CELF5: variants seen among roughly 807,000 people sequenced by gnomAD.
CELF5 encodes the protein CUGBP Elav-like family member 5.
Under a neutral mutation model 54.9 loss-of-function variants are expected in CELF5, and 6 were observed. That is an observed-to-expected ratio of 0.11 (90% confidence interval 0.06 to 0.22). The LOEUF is 0.22. Ranked by LOEUF, CELF5 falls within the 10% of genes least tolerant of loss-of-function variation. The pLI, the probability that CELF5 is intolerant of heterozygous loss-of-function variation, is 1.00. For synonymous variants in CELF5, 271 were observed against 290.9 expected (o/e 0.93, Z 0.70); for missense variants, 401 against 678.6 (o/e 0.59, Z 4.54).
chr19:3,238,900 C>T (rs1031304063), intron 1 of CELF5, among the ~76,000 whole-genome samples: 3 of 152,098 alleles, frequency 2.0e-5, no homozygotes, highest in African/African-American at 7.2e-5. Context: ...GCACTCTAGC[C>T]TGGGCAACAA....
At chr19:3,271,539 C>T (rs1052691302) in intron 2 of CELF5, among the ~76,000 whole-genome samples, 1 of 152,064 alleles carries the variant, frequency 6.6e-6, no homozygotes, top group Non-Finnish European at 1.5e-5. Context: ...GCAGGGGCCT[C>T]TTGGTTTCTG....
At chr19:3,249,423 G>A (rs1001003662) in intron 1 of CELF5, among the ~76,000 whole-genome samples, 1 of 152,152 alleles carries the variant, frequency 6.6e-6, no homozygotes, top group Admixed American at 6.5e-5. Context: ...CTCTGTCAAC[G>A]TCTCTGGTCT....
chr19:3,277,938 C>A, intron 4 of CELF5, 93 bp from the exon 5 acceptor site: 1 of 891,194 alleles, frequency 1.1e-6, no homozygotes, highest in Non-Finnish European at 1.8e-6. Context: ...TGACACTGGC[C>A]ATGTAGGTCT....
intron 9 of CELF5, 32 bp downstream of exon 9, chr19:3,284,996 C>G: frequency 6.4e-7 from 1 of 1,556,558 alleles, no homozygotes; most frequent in Non-Finnish European, 8.8e-7. Context: ...CGCGCTGGGC[C>G]CTGGCCCCGC....
intron 1 of CELF5, among the ~76,000 whole-genome samples, chr19:3,245,563 C>A (rs2079555680): frequency 6.7e-6 from 1 of 148,428 alleles, no homozygotes. Context: ...GACAAGGAGT[C>A]CACAGGCAAA....
intron 11 of CELF5, 90 bp from the exon 12 acceptor site, chr19:3,293,229 C>G: frequency 2.6e-6 from 4 of 1,549,928 alleles, no homozygotes; most frequent in Non-Finnish European, 3.5e-6. Context: ...TGCTCAGGAC[C>G]CCGTGAGCCG....
intron 1 of CELF5, among the ~76,000 whole-genome samples, chr19:3,242,964 A>AAAT (rs144976289): frequency 0.019 from 2,858 of 149,966 alleles, 37 homozygotes; most frequent in African/African-American, 0.024. Flanking sequence ...ACTCCATCTC[A>AAAT]AATAATAATA....
In CELF5 at chr19:3,278,868, C is replaced by CA. The variant is rs141476793; in HGVS notation, c.603+759dup. Among the ~76,000 whole-genome samples the CA allele has an allele frequency of 0.046, 7,066 of 152,012 alleles. 503 individuals are homozygous for CA. Among genetic ancestry groups the CA allele is most frequent in the African/African-American group, 0.16 (6,581 of 41,376 alleles). On this transcript the variant is annotated intron_variant, in intron 5 of 12. Transcript: ENST00000292672. The surrounding 1 kb of genome is among the most constrained non-coding windows in gnomAD (Gnocchi z 4.5). ...ACACCTGGGTTGGATTTGCTGAGGC[C>CA]AGGAGAGGCCCTGACAAAAAGAAAG...
intron 1 of CELF5, among the ~76,000 whole-genome samples, chr19:3,227,984 C>A (rs548654282): frequency 4.6e-5 from 7 of 152,100 alleles, no homozygotes; most frequent in African/African-American, 1.4e-4. Context: ...TCCTAGAGGC[C>A]GTGCTGAGAC....
At chr19:3,253,819 G>C (rs1288210857) in intron 2 of CELF5, among the ~76,000 whole-genome samples, 1 of 152,162 alleles carries the variant, frequency 6.6e-6, no homozygotes. Flanking sequence ...GGTCCTGGGG[G>C]AAGCTCTGGT....
intron 2 of CELF5, among the ~76,000 whole-genome samples, chr19:3,259,562 G>A (rs988667639): frequency 1.3e-5 from 2 of 152,094 alleles, no homozygotes; most frequent in Non-Finnish European, 2.9e-5. Flanking sequence ...GAGGACCCCA[G>A]CTCCTGGGAC....
At chr19:3,291,177 G>A (rs1245991738) in intron 11 of CELF5, among the ~76,000 whole-genome samples, 1 of 151,856 alleles carries the variant, frequency 6.6e-6, no homozygotes, top group Non-Finnish European at 1.5e-5. Context: ...GAGGTGGGAC[G>A]ATCCCTTGAG....
intron 1 of CELF5, among the ~76,000 whole-genome samples, chr19:3,228,000 G>A (rs1176997339): frequency 6.6e-6 from 1 of 152,128 alleles, no homozygotes. Context: ...GAGACTCAGA[G>A]AAAGGCAGGA....
At chr19:3,277,697 C>T (rs1396444956) in intron 4 of CELF5, among the ~76,000 whole-genome samples, 2 of 152,012 alleles carry the variant, frequency 1.3e-5, no homozygotes, top group Non-Finnish European at 2.9e-5. Flanking sequence ...TGGACTTTGT[C>T]GGTGGGACTG....
chr19:3,236,889 C>T (rs767060920), intron 1 of CELF5, among the ~76,000 whole-genome samples: 7 of 149,808 alleles, frequency 4.7e-5, no homozygotes, highest in Non-Finnish European at 4.4e-5. Context: ...CTTGGGAGGC[C>T]GAAGTGGAAG....
At chr19:3,273,439 A>C (rs568936377) in intron 2 of CELF5, among the ~76,000 whole-genome samples, 1 of 152,146 alleles carries the variant, frequency 6.6e-6, no homozygotes, top group East Asian at 1.9e-4. Flanking sequence ...GGAAGCCACA[A>C]GGTCTCTTGA....
intron 1 of CELF5, among the ~76,000 whole-genome samples, chr19:3,237,546 C>T (rs925174629): frequency 6.6e-6 from 1 of 151,966 alleles, no homozygotes; most frequent in Non-Finnish European, 1.5e-5. Flanking sequence ...ACTGTCGTGG[C>T]GCGGGTGGGA....
At chr19:3,290,563 CTTTTTT>C (rs34393788) in intron 11 of CELF5, among the ~76,000 whole-genome samples, 189 bp downstream of exon 11, 6 of 126,982 alleles carry the variant, frequency 4.7e-5, no homozygotes, top group Admixed American at 8.0e-5. Flanking sequence ...GTTTGGGTTT[CTTTTTT>C]TTTTTTTTTT....
At chr19:3,272,567 C>T (rs1385447378) in intron 2 of CELF5, among the ~76,000 whole-genome samples, 1 of 152,176 alleles carries the variant, frequency 6.6e-6, no homozygotes, top group Non-Finnish European at 1.5e-5. Flanking sequence ...ATTCCAGACG[C>T]CTTTCTGTGT....
Sources: allele counts gnomAD v4.1 joint callset (sites outside exome capture counted in the v4.1 genomes callset), GRCh38; gene constraint gnomAD v4.1.1; non-coding constraint Gnocchi (gnomAD v3.1); transcripts MANE v1.5; gene names NCBI Gene and HGNC (gene_info 2026-07-23, HGNC 2026-07-21).